RHBDF2: variants seen among roughly 807,000 people sequenced by gnomAD.
The protein encoded by RHBDF2 is inactive rhomboid protein 2.
In RHBDF2, 38 loss-of-function variants were observed where a neutral mutation model predicts 95.2. The ratio of observed to expected loss-of-function variants is 0.40; its 90% CI spans 0.31 to 0.52. RHBDF2 has a LOEUF of 0.52. Among genes scored for constraint, RHBDF2 ranks in the 20% least tolerant of loss-of-function variants. RHBDF2 has a pLI of 0.56. For missense variants in RHBDF2, 863 were observed against 1,137.7 expected (o/e 0.76, Z 3.47); for synonymous variants, 442 against 462.0 (o/e 0.96, Z 0.55).
At chr17:76,490,420 T>A (rs2074266713) in intron 1 of RHBDF2, among the ~76,000 whole-genome samples, 1 of 152,032 alleles carries the variant, frequency 6.6e-6, no homozygotes, top group Non-Finnish European at 1.5e-5. Context: ...GGTCCCCTCA[T>A]CCTAAGCCTG....
chr17:76,479,686 CAGGTTG>C, intron 4 of RHBDF2, 41 bp downstream of exon 4: 1 of 1,456,868 alleles, frequency 6.9e-7, no homozygotes, highest in Non-Finnish European at 9.5e-7. Flanking sequence ...CGAGAATCCA[CAGGTTG>C]CTGGGTGGGG....
At position 76,475,015 on chromosome 17, in the gene RHBDF2, C is replaced by T. The variant is rs1398601068; in HGVS notation, c.1227+15G>A. The T allele has an allele frequency of 1.3e-6, 2 of 1,562,752 alleles. No individual in the cohort carries two copies. The highest frequency in any genetic ancestry group is 2.7e-5 in the African/African-American group (2 of 74,086). ...AGAGGCTGGGACCCCCAGCATGGAG[C>T]CTGACCCGACTCACCAGCTGGGTGG... is the stretch of plus-strand genomic sequence containing the variant. On this transcript the variant is annotated intron_variant, in intron 10 of 18. Transcript: ENST00000675367.
At chr17:76,484,010 C>T (rs1289770592) in intron 2 of RHBDF2, among the ~76,000 whole-genome samples, 2 of 152,078 alleles carry the variant, frequency 1.3e-5, no homozygotes, top group Non-Finnish European at 1.5e-5. Context: ...GCCTGTACTC[C>T]CAGCACTTTG....
At position 76,472,071 on chromosome 17, in the gene RHBDF2, G is replaced by T; in HGVS notation, c.2065-19C>A. ...GGCCCACCTGGGGCGGGGCAGGGGA[G>T]ACGTGGCTTCAGGCATCAGGTGGGT... is the stretch of plus-strand genomic sequence containing the variant. On this transcript the variant is annotated intron_variant, in intron 18 of 18. Transcript: ENST00000675367. The T allele has an allele frequency of 6.5e-7, 1 of 1,538,778 alleles. No individual in the cohort carries two copies.
chr17:76,497,867 C>T (rs1264947451), intron 1 of RHBDF2, among the ~76,000 whole-genome samples: 1 of 152,186 alleles, frequency 6.6e-6, no homozygotes, highest in Non-Finnish European at 1.5e-5. Context: ...TCCTTTTCTG[C>T]TGGTCACAAG....
In RHBDF2 at chr17:76,477,679, A is replaced by G. The variant is rs1567876775; in HGVS notation, c.779T>C (p.Phe260Ser). The G allele has an allele frequency of 6.2e-7, 1 of 1,614,102 alleles. No homozygotes were observed. Among genetic ancestry groups the G allele is most frequent in the Non-Finnish European group, 8.5e-7 (1 of 1,179,984 alleles). ...TGCCTTACTAAAAAAGGAGGAGTCA[A>G]ACGTGTCTGCCCCATCGACCACATC... Reference protein sequence around the residue: ...EEDVVDGADTFDSSFFSKEEM... With the variant: ...EEDVVDGADTSDSSFFSKEEM... Residue 260 changes from phenylalanine to serine, a missense_variant, in exon 7 of 19, where the codon TTT (phenylalanine) becomes TCT (serine). Physicochemically the swap from Phe to Ser is radical, Grantham distance 155 (BLOSUM62 -2). Transcript: ENST00000675367.
Position 76,474,771 on chromosome 17 carries a change from T to G in RHBDF2, c.1261A>C (p.Lys421Gln), listed in dbSNP as rs1212264121. The G allele has an allele frequency of 1.2e-6, 2 of 1,614,128 alleles. No individual in the cohort carries two copies. The highest frequency in any genetic ancestry group is 2.2e-5 in the South Asian group (2 of 91,082). ...LRNKGVYESV[K>Q]YIQQENFWVG... Reference sequence around the variant, plus strand: ...CAGAAGTTCTCCTGCTGGATGTACTTCACGCTCTCGTACACACCTTTGTTC... The same window carrying G: ...CAGAAGTTCTCCTGCTGGATGTACTGCACGCTCTCGTACACACCTTTGTTC... The change falls in exon 11 of 19, where the codon AAG becomes CAG. Residue 421 changes from lysine (K) to glutamine (Q), a missense_variant. Around this residue, in one of 2 missense-constraint regions of RHBDF2, gnomAD observed 611 missense variants for 725.5 expected, o/e 0.84. Transcript: ENST00000675367.
Position 76,492,024 on chromosome 17 carries a change from G to A in RHBDF2, c.-219-4115C>T, listed in dbSNP as rs558516525. 2.6e-5 allele frequency among the ~76,000 whole-genome samples: 4 copies of A among 152,234 alleles called. No homozygotes were observed. The East Asian group carries it at 5.8e-4, about 22-fold the overall frequency. ...CTCTAAGACCCCCAGGCCCGCCTCC[G>A]CACCCAGCCCACAGGCGGAACACTG... On this transcript the variant is annotated intron_variant, in intron 1 of 18. Coordinates refer to ENST00000675367, the MANE Select transcript of RHBDF2 (RefSeq NM_001005498.4).
intron 1 of RHBDF2, among the ~76,000 whole-genome samples, chr17:76,494,012 G>T (rs934794159): frequency 6.6e-6 from 1 of 152,204 alleles, no homozygotes; most frequent in African/African-American, 2.4e-5. Context: ...CCTTAACCCG[G>T]TTAGAGTGGC....
intron 1 of RHBDF2, among the ~76,000 whole-genome samples, chr17:76,499,614 C>G (rs1372371842): frequency 6.6e-6 from 1 of 152,066 alleles, no homozygotes; most frequent in Non-Finnish European, 1.5e-5. Context: ...AGCCTGGGGA[C>G]CCCCCAGGAA....
Position 76,485,411 on chromosome 17 carries a change from C to CAA in RHBDF2, c.-22+2299_-22+2300dup, listed in dbSNP as rs35202087. ...GGGCAACAACAGCAAAACTCTGTCT[C>CAA]AAAAAAAAAAAAAAAAAAAAAAGAG... is the stretch of plus-strand genomic sequence containing the variant. On this transcript the variant is annotated intron_variant, in intron 2 of 18. Coordinates refer to ENST00000675367, the MANE Select transcript of RHBDF2 (RefSeq NM_001005498.4). Among the ~76,000 whole-genome samples the CAA allele has an allele frequency of 8.4e-3, 526 of 62,422 alleles. 6 individuals are homozygous for CAA. Among genetic ancestry groups the CAA allele is most frequent in the African/African-American group, 0.021 (324 of 15,398 alleles). The allele number at this position is 62,422 out of a possible 152,430, so 41.0% of individuals were successfully genotyped here.
At chr17:76,480,507 C>T (rs2073932999) in intron 3 of RHBDF2, among the ~76,000 whole-genome samples, 1 of 151,998 alleles carries the variant, frequency 6.6e-6, no homozygotes, top group East Asian at 1.9e-4. Context: ...ACCTCAGTGT[C>T]CTAAGTAGCT....
chr17:76,481,582 C>T (rs1056267843), intron 2 of RHBDF2, 37 bp from the exon 3 acceptor site: 30 of 1,554,858 alleles, frequency 1.9e-5, no homozygotes, highest in South Asian at 1.1e-4. Context: ...GTGGGCGGTG[C>T]GGGGTGGCGC....
At chr17:76,489,607 G>A (rs2074246357) in intron 1 of RHBDF2, among the ~76,000 whole-genome samples, 2 of 152,216 alleles carry the variant, frequency 1.3e-5, no homozygotes, top group Non-Finnish European at 2.9e-5. Context: ...ACAGGCGTGA[G>A]CCACCGCGCC....
intron 1 of RHBDF2, among the ~76,000 whole-genome samples, chr17:76,496,543 TGAA>T (rs560668499): frequency 2.8e-4 from 43 of 152,286 alleles, no homozygotes; most frequent in South Asian, 1.5e-3. Context: ...CTTTGATTCA[TGAA>T]GAAGGGACAG....
chr17:76,500,423 G>GT (rs1274636689), intron 1 of RHBDF2, among the ~76,000 whole-genome samples: 1 of 152,180 alleles, frequency 6.6e-6, no homozygotes, highest in African/African-American at 2.4e-5. Context: ...CCTACGGACA[G>GT]TGAGGGTCGA....
rs867015120 is a variant in RHBDF2 at position 76,479,859 on chromosome 17, G to A, written c.151-5C>T. 6.2e-7 allele frequency: 1 copy of A among 1,612,182 alleles called. No individual in the cohort carries two copies. Among genetic ancestry groups the A allele is most frequent in the South Asian group, 1.1e-5 (1 of 90,708 alleles). On this transcript the variant is annotated splice_region_variant and splice_polypyrimidine_tract_variant and intron_variant, in intron 3 of 18. Coordinates refer to ENST00000675367, the MANE Select transcript of RHBDF2 (RefSeq NM_001005498.4). The stretch of plus-strand genomic sequence containing the variant: ...CAAGTAGGCTGGGTTCTTCCTCTTG[G>A]GGAGGAAGGAGGGAGGGCAGGCGGT...
intron 2 of RHBDF2, among the ~76,000 whole-genome samples, chr17:76,484,860 C>T (rs940848380): frequency 7.9e-5 from 12 of 152,176 alleles, no homozygotes; most frequent in Non-Finnish European, 1.3e-4. Flanking sequence ...GCATACTGGG[C>T]CAATGGTCTT....
intron 2 of RHBDF2, among the ~76,000 whole-genome samples, chr17:76,484,809 T>C (rs4238990): frequency 0.96 from 146,368 of 152,182 alleles, 70,675 homozygotes; most frequent in East Asian, 1. Context: ...CAAGCTCTGC[T>C]GGGGGTGGGG....
Sources: gnomAD v4.1 joint callset for allele counts (sites outside exome capture counted in the v4.1 genomes callset) on GRCh38, gnomAD v4.1.1 for gene constraint, gnomAD v4.1.1 regional missense constraint, MANE v1.5 for transcripts, NCBI Gene and HGNC (gene_info 2026-07-23, HGNC 2026-07-21) for gene names.